Variants in CSMD3 observed in about 807,000 individuals in gnomAD.
The protein encoded by CSMD3 is CUB and Sushi multiple domains 3, also known as CUB and sushi domain-containing protein 3.
CSMD3 carries 177 observed loss-of-function variants against 435.2 expected under a neutral mutation model. The observed-to-expected ratio is 0.41, with a 90% CI of 0.36 to 0.46. CSMD3 has a LOEUF of 0.46. Among genes scored for constraint, CSMD3 ranks in the 20% least tolerant of loss-of-function variants. CSMD3 has a pLI of 0.34. For synonymous variants in CSMD3, 1,656 were observed against 1,520.5 expected, an observed-to-expected ratio of 1.09 and a Z score of -2.07; for missense variants, 4,265 against 4,504.6, an observed-to-expected ratio of 0.95 and a Z score of 1.52.
chr8:112,549,062 G>T (rs1340429323), intron 27 of CSMD3, among the ~76,000 whole-genome samples: 1 of 152,006 alleles, frequency 6.6e-6, no homozygotes, highest in Non-Finnish European at 1.5e-5. Flanking sequence ...AGTGTAAGTT[G>T]CATTTGCAAA....
rs118030592 is a variant in CSMD3, at chr8:113,047,793, G to C, written c.918-28614C>G. On this transcript the variant is annotated intron_variant, in intron 5 of 70. Coordinates refer to ENST00000297405, the MANE Select transcript of CSMD3 (RefSeq NM_198123.2). Reference sequence around the variant, plus strand: ...AAATTATTACTAATTACATTGCTTAGTGGTGTGCATTTGATTCTATAAATA... The same window carrying C: ...AAATTATTACTAATTACATTGCTTACTGGTGTGCATTTGATTCTATAAATA... Among the ~76,000 whole-genome samples the C allele has an allele frequency of 1.5e-3, 227 of 152,238 alleles. 2 individuals are homozygous for C. The East Asian group carries it at 0.037, about 25-fold the overall frequency.
At chr8:112,292,198 C>A (rs1408278655) in intron 55 of CSMD3, among the ~76,000 whole-genome samples, 1 of 151,950 alleles carries the variant, frequency 6.6e-6, no homozygotes, top group Non-Finnish European at 1.5e-5. Flanking sequence ...AATGCCAAAG[C>A]AAATTGCAAG....
chr8:112,624,860 C>T (rs931733861), intron 22 of CSMD3, among the ~76,000 whole-genome samples: 6 of 151,912 alleles, frequency 3.9e-5, no homozygotes, highest in African/African-American at 1.4e-4. Context: ...GCCAGACTCA[C>T]AAATGAGATG....
rs951849455 is a variant in CSMD3, at chr8:112,274,463, A to G, written c.9508+6711T>C. Among the ~76,000 whole-genome samples the G allele has an allele frequency of 4.6e-5, 7 of 152,002 alleles. No homozygotes were observed. The East Asian group carries it at 9.7e-4, about 21-fold the overall frequency. ...ACTATGCAGGTAGAGTTTATGGGAC[A>G]TGGTACCAGAGTCGACATTGACAGA... On this transcript the variant is annotated intron_variant, in intron 59 of 70. Coordinates refer to ENST00000297405, the MANE Select transcript of CSMD3 (RefSeq NM_198123.2).
intron 7 of CSMD3, among the ~76,000 whole-genome samples, chr8:112,955,596 TAGAA>T (rs2083986679): frequency 6.6e-6 from 1 of 151,878 alleles, no homozygotes. Flanking sequence ...TATCAAATGC[TAGAA>T]CTTATGTCTT....
At chr8:112,445,874 C>T (rs1815544482) in intron 32 of CSMD3, among the ~76,000 whole-genome samples, 1 of 152,004 alleles carries the variant, frequency 6.6e-6, no homozygotes, top group South Asian at 2.1e-4. Flanking sequence ...CTGTATACCA[C>T]AAAAATGCAC....
At chr8:112,398,948 G>C (rs1390455506) in intron 35 of CSMD3, among the ~76,000 whole-genome samples, 1 of 148,916 alleles carries the variant, frequency 6.7e-6, no homozygotes, top group Admixed American at 6.7e-5. Context: ...ACAGAATCTC[G>C]CTCTGTTGCC....
chr8:113,160,144 G>A (rs772955598), intron 4 of CSMD3, among the ~76,000 whole-genome samples: 2 of 151,816 alleles, frequency 1.3e-5, no homozygotes, highest in Admixed American at 6.6e-5. Context: ...TTAAAGTTAT[G>A]GAATCAAATG....
At chr8:113,328,084 CACAG>C (rs1285581214) in intron 1 of CSMD3, among the ~76,000 whole-genome samples, 1 of 151,452 alleles carries the variant, frequency 6.6e-6, no homozygotes, top group African/African-American at 2.4e-5. Context: ...CACAGACACA[CACAG>C]ACACACACAG....
intron 4 of CSMD3, among the ~76,000 whole-genome samples, chr8:113,106,837 C>G (rs1304957796): frequency 6.6e-6 from 1 of 151,322 alleles, no homozygotes; most frequent in Non-Finnish European, 1.5e-5. Flanking sequence ...ATTCTTTATT[C>G]TCTTTCTTTT....
At chr8:112,391,874 G>C (rs1830447206) in intron 35 of CSMD3, among the ~76,000 whole-genome samples, 1 of 152,102 alleles carries the variant, frequency 6.6e-6, no homozygotes, top group African/African-American at 2.4e-5. Flanking sequence ...ATCATTTTTA[G>C]AAGGTACTAG....
chr8:113,227,609 G>A (rs749617753), intron 3 of CSMD3, among the ~76,000 whole-genome samples: 19 of 151,440 alleles, frequency 1.3e-4, no homozygotes, highest in Admixed American at 4.0e-4. Flanking sequence ...GAGTTTTCTC[G>A]CGATAGTGAG....
chr8:113,151,274 C>A (rs2091799000), intron 4 of CSMD3, among the ~76,000 whole-genome samples: 1 of 151,828 alleles, frequency 6.6e-6, no homozygotes, highest in Non-Finnish European at 1.5e-5. Context: ...ATTTTCTAAT[C>A]TTTGTATTGA....
At chr8:112,405,224 T>TATATATATATATATATATATATAC (rs1563904430) in intron 35 of CSMD3, among the ~76,000 whole-genome samples, 6 of 58,306 alleles carry the variant, frequency 1.0e-4, no homozygotes, top group African/African-American at 3.3e-4. Context: ...CATATATATA[T>TATATATATATATATATATATATAC]ATATATATAT....
intron 32 of CSMD3, among the ~76,000 whole-genome samples, chr8:112,461,582 G>A (rs1391315982): frequency 6.6e-6 from 1 of 152,020 alleles, no homozygotes; most frequent in Non-Finnish European, 1.5e-5. Context: ...TACCAGCAGG[G>A]AAACAAAGTA....
intron 24 of CSMD3, among the ~76,000 whole-genome samples, chr8:112,557,806 G>A (rs910688563): frequency 7.2e-5 from 11 of 151,926 alleles, no homozygotes; most frequent in Admixed American, 2.6e-4. Context: ...CAATAAAGGT[G>A]AGTAAATGTT....
intron 3 of CSMD3, among the ~76,000 whole-genome samples, chr8:113,192,617 A>G (rs1019413032): frequency 6.6e-6 from 1 of 151,212 alleles, no homozygotes; most frequent in Non-Finnish European, 1.5e-5. Context: ...TCCCTTATGG[A>G]AGTTTTCTTT....
rs1818603717 is a variant in CSMD3, at chr8:112,281,270, T to C, written c.9412A>G (p.Ile3138Val). The change falls in exon 59 of 71, where the codon ATT (isoleucine) becomes GTT (valine). Residue 3138 changes from isoleucine (I) to valine (V), a missense_variant. Ile to Val is a conservative substitution (Grantham distance 29). This residue lies in a region of CSMD3 where 3,255 missense variants were observed against 3,380.2 expected (regional missense o/e 0.96). Transcript: ENST00000297405. ...ATGTATCCCTCCATGCAGGAATAAA[T>C]GACTGAACTAGAAAATGTTGTGCCA... ...IDGTTFSSSVIYSCMEGYILS... is the reference protein window; with the variant it reads ...IDGTTFSSSVVYSCMEGYILS... 6.2e-7 allele frequency: 1 copy of C among 1,613,496 alleles called. No homozygotes were observed. The highest frequency in any genetic ancestry group is 8.5e-7 in the Non-Finnish European group (1 of 1,179,580).
intron 53 of CSMD3, among the ~76,000 whole-genome samples, chr8:112,298,775 C>T (rs1367124315): frequency 6.6e-6 from 1 of 151,970 alleles, no homozygotes; most frequent in Non-Finnish European, 1.5e-5. Context: ...TTTATGCATC[C>T]AACAGAATGG....
Sources: allele counts gnomAD v4.1 joint callset (sites outside exome capture counted in the v4.1 genomes callset), GRCh38; gene constraint gnomAD v4.1.1; regional missense constraint gnomAD v4.1.1; transcripts MANE v1.5; gene names NCBI Gene and HGNC (gene_info 2026-07-23, HGNC 2026-07-21).